Variants in MMP16 observed in about 807,000 individuals in gnomAD.
MMP16 encodes the protein matrix metalloproteinase-16.
Under a neutral mutation model 67.8 loss-of-function variants are expected in MMP16, and 12 were observed. That is an observed-to-expected ratio of 0.18 (90% CI 0.11 to 0.29). MMP16 has a LOEUF of 0.29. Among genes scored for constraint, MMP16 ranks in the 10% least tolerant of loss-of-function variants. The probability of loss-of-function intolerance (pLI) is 1.00; values close to 1 mark genes in which losing one functional copy is unlikely to be tolerated. For synonymous variants in MMP16, 249 were observed against 255.9 expected (o/e 0.97, Z 0.26); for missense variants, 475 against 765.7 (o/e 0.62, Z 4.48).
chr8:88,131,682 T>C (rs890863789), intron 4 of MMP16, among the ~76,000 whole-genome samples: 3 of 151,826 alleles, frequency 2.0e-5, no homozygotes, highest in Admixed American at 6.6e-5. Context: ...AAAACTACCT[T>C]TCATAATCTG....
chr8:88,069,294 C>T (rs1248153786), intron 7 of MMP16: 3 of 338,804 alleles, frequency 8.9e-6, no homozygotes, highest in Admixed American at 4.7e-5. Context: ...GCAGATTGAT[C>T]CCTCGGTATT....
At chr8:88,072,641 A>C (rs1341591309) in intron 7 of MMP16, among the ~76,000 whole-genome samples, 1 of 152,108 alleles carries the variant, frequency 6.6e-6, no homozygotes, top group Non-Finnish European at 1.5e-5. Flanking sequence ...CATAAGAAAC[A>C]CCATACTGAG....
chr8:88,137,102 T>C (rs1444642953), intron 4 of MMP16, among the ~76,000 whole-genome samples: 1 of 151,944 alleles, frequency 6.6e-6, no homozygotes, highest in Admixed American at 6.6e-5. Flanking sequence ...TGATATCACA[T>C]TGTGACTTAG....
chr8:88,241,205 T>C (rs746903353), intron 1 of MMP16, among the ~76,000 whole-genome samples: 1 of 152,082 alleles, frequency 6.6e-6, no homozygotes, highest in African/African-American at 2.4e-5. Flanking sequence ...TGCATTCATA[T>C]GTAGTGATTG....
At chr8:88,212,089 T>C (rs557372195) in intron 1 of MMP16, among the ~76,000 whole-genome samples, 2 of 152,180 alleles carry the variant, frequency 1.3e-5, no homozygotes, top group South Asian at 4.1e-4. Flanking sequence ...CTAGTCTTCC[T>C]TGAAGTCTCT....
intron 1 of MMP16, among the ~76,000 whole-genome samples, chr8:88,217,767 AAT>A (rs1301889351): frequency 2.0e-5 from 3 of 152,098 alleles, no homozygotes; most frequent in African/African-American, 7.2e-5. Context: ...AAAATATGAA[AAT>A]ATGAGTGAGA....
Position 88,173,569 on chromosome 8 carries a change from C to T in MMP16, c.405-5596G>A, listed in dbSNP as rs1191076946. 3.3e-5 allele frequency among the ~76,000 whole-genome samples: 5 copies of T among 152,068 alleles called. No individual in the cohort carries two copies. The East Asian group carries it at 7.7e-4, about 23-fold the overall frequency. The stretch of plus-strand genomic sequence containing the variant: ...CTAATGTTTTATGTAAAATGATTAT[C>T]GGTTAAATAGAATTTACTACAAAAG... On this transcript the variant is annotated intron_variant, in intron 3 of 9. Coordinates refer to ENST00000286614, the MANE Select transcript of MMP16 (RefSeq NM_005941.5).
intron 5 of MMP16, 63 bp downstream of exon 5, chr8:88,118,637 A>G: frequency 6.9e-7 from 1 of 1,458,772 alleles, no homozygotes; most frequent in Non-Finnish European, 9.5e-7. Flanking sequence ...TCAAAGAAGA[A>G]AACACAGCAG....
chr8:88,210,392 G>A (rs962038928), intron 1 of MMP16, among the ~76,000 whole-genome samples: 4 of 152,158 alleles, frequency 2.6e-5, no homozygotes, highest in African/African-American at 9.7e-5. Context: ...CACATTTTCT[G>A]AGCCTGAGTG....
chr8:88,139,116 C>T (rs1808169811), intron 4 of MMP16, among the ~76,000 whole-genome samples: 1 of 152,092 alleles, frequency 6.6e-6, no homozygotes, highest in Admixed American at 6.6e-5. Context: ...CAGATGCTGA[C>T]ATTGTCTATG....
At chr8:88,062,963 A>G in intron 7 of MMP16, among the ~76,000 whole-genome samples, 1 of 152,110 alleles carries the variant, frequency 6.6e-6, no homozygotes, top group East Asian at 1.9e-4. Flanking sequence ...GGTCTCAAGG[A>G]AAATATTGCC....
intron 1 of MMP16, among the ~76,000 whole-genome samples, chr8:88,303,286 C>T (rs1372499132): frequency 6.6e-6 from 1 of 152,182 alleles, no homozygotes; most frequent in Non-Finnish European, 1.5e-5. Flanking sequence ...TCTCTCAAGC[C>T]AGCGATGACA....
chr8:88,118,668 G>A (rs376477952), intron 5 of MMP16, 32 bp downstream of exon 5: 9 of 1,592,646 alleles, frequency 5.7e-6, no homozygotes, highest in South Asian at 3.3e-5. Context: ...CTTCACTATC[G>A]GATTAAGCAA....
Position 88,033,527 on chromosome 8 carries a change from T to A in MMP16, c.*7934A>T, listed in dbSNP as rs973434408. ...TTCTTTTAAAAAAGCATCAACCAAC[T>A]ATGAACTAATTAGATTTTATGTTTT... On this transcript the variant is annotated 3_prime_UTR_variant, in exon 10 of 10. Transcript: ENST00000286614. The A allele has an allele frequency of 6.6e-6, 1 of 151,924 alleles. No individual in the cohort carries two copies. The highest frequency in any genetic ancestry group is 1.5e-5 in the Non-Finnish European group (1 of 67,924). The allele number at this position is 151,924 out of a possible 1,614,324, so 9.4% of individuals were successfully genotyped here.
In MMP16 at chr8:88,081,683, T is replaced by A. The variant is rs187525074; in HGVS notation, c.1084-6940A>T. Among the ~76,000 whole-genome samples the A allele has an allele frequency of 1.3e-4, 20 of 152,310 alleles. No individual in the cohort carries two copies. The East Asian group carries it at 3.1e-3, about 24-fold the overall frequency. ...GGTATTTTATGTAAATATTTGAATG[T>A]CACCTAATATTTCCAACAATAAAAT... is the stretch of plus-strand genomic sequence containing the variant. On this transcript the variant is annotated intron_variant, in intron 6 of 9. Transcript: ENST00000286614.
rs1260152786 is a variant in MMP16, at chr8:88,116,697, G to A, written c.893C>T (p.Pro298Leu). 1.2e-6 allele frequency: 2 copies of A among 1,613,510 alleles called. No individual in the cohort carries two copies. The highest frequency in any genetic ancestry group is 2.7e-5 in the African/African-American group (2 of 74,850). ...KIYGPPDKIP[P>L]PTRPLPTVPP... ...CACTGTCGGTAGAGGTCTTGTAGGT[G>A]GAGGAATCTTGTCAGGTGGACCTTT... The change falls in exon 6 of 10, where the codon CCA becomes CTA. Residue 298 changes from proline to leucine, a missense_variant. Around this residue, in one of 5 missense-constraint regions of MMP16, gnomAD observed 195 missense variants for 300.9 expected, o/e 0.65. Coordinates refer to ENST00000286614, the MANE Select transcript of MMP16 (RefSeq NM_005941.5).
chr8:88,161,635 T>G (rs960331948), intron 4 of MMP16, among the ~76,000 whole-genome samples: 6 of 152,122 alleles, frequency 3.9e-5, no homozygotes, highest in South Asian at 2.1e-4. Flanking sequence ...TTCTTTTAAT[T>G]GTGATGTTAG....
chr8:88,194,723 G>A (rs1213346800), intron 2 of MMP16, among the ~76,000 whole-genome samples: 1 of 151,946 alleles, frequency 6.6e-6, no homozygotes, highest in Non-Finnish European at 1.5e-5. Flanking sequence ...AGTTAACAAG[G>A]CTTTAGTTGT....
At chr8:88,305,035 T>C (rs1387208092) in intron 1 of MMP16, among the ~76,000 whole-genome samples, 1 of 152,154 alleles carries the variant, frequency 6.6e-6, no homozygotes, top group Non-Finnish European at 1.5e-5. Flanking sequence ...TCCACTGGCA[T>C]GCTGTATTCA....
Sources: gnomAD v4.1 joint callset for allele counts (sites outside exome capture counted in the v4.1 genomes callset) on GRCh38, gnomAD v4.1.1 for gene constraint, gnomAD v4.1.1 regional missense constraint, MANE v1.5 for transcripts, NCBI Gene and HGNC (gene_info 2026-07-23, HGNC 2026-07-21) for gene names.